The following PLEKHM1 variants were observed in gnomAD, a reference collection of about 807,000 sequenced individuals.
PLEKHM1 encodes pleckstrin homology and RUN domain containing M1.
A neutral mutation model predicts 94.3 loss-of-function variants in PLEKHM1; 28 were observed. The ratio of observed to expected loss-of-function variants is 0.30; its 90% CI spans 0.22 to 0.41. The LOEUF (loss-of-function observed/expected upper bound fraction) is 0.41. Ranked by LOEUF, PLEKHM1 falls within the 10% of genes least tolerant of loss-of-function variation. The pLI, the probability that PLEKHM1 is intolerant of heterozygous loss-of-function variation, is 1.00. For synonymous variants in PLEKHM1, 424 were observed against 581.2 expected (o/e 0.73, Z 3.89); for missense variants, 907 against 1,358.6 (o/e 0.67, Z 5.22).
Position 45,454,090 on chromosome 17 carries a change from C to T in PLEKHM1, c.1762G>A (p.Ala588Thr). ...SLLRCESVGPAHSDGRFELVF... is the reference protein window; with the variant it reads ...SLLRCESVGPTHSDGRFELVF... ...AGCTCAAAGCGCCCATCACTATGGGCTGGCCCCACAGACTCACAGCGAAGC... is the reference window on the plus strand; with the variant it reads ...AGCTCAAAGCGCCCATCACTATGGGTTGGCCCCACAGACTCACAGCGAAGC... The change falls in exon 7 of 12, where the codon GCC (alanine) becomes ACC (threonine). Residue 588 changes from alanine to threonine, a missense_variant. Physicochemically the swap from Ala to Thr is moderately conservative, Grantham distance 58 (BLOSUM62 0). This residue lies in a region of PLEKHM1 where 477 missense variants were observed against 601.5 expected (regional missense o/e 0.79). Transcript: ENST00000430334. 6.2e-7 allele frequency: 1 copy of T among 1,614,234 alleles called. No individual in the cohort carries two copies. The highest frequency in any genetic ancestry group is 8.5e-7 in the Non-Finnish European group (1 of 1,180,052).
At chr17:45,486,354 G>A (rs1029524785) in intron 1 of PLEKHM1, among the ~76,000 whole-genome samples, 5 of 150,234 alleles carry the variant, frequency 3.3e-5, no homozygotes, top group African/African-American at 1.2e-4. Flanking sequence ...AGGCCGAGGC[G>A]GGTGGATCAC....
intron 9 of PLEKHM1, among the ~76,000 whole-genome samples, chr17:45,442,712 A>C (rs564996290): frequency 6.6e-6 from 1 of 152,242 alleles, no homozygotes; most frequent in East Asian, 1.9e-4. Context: ...GTCTTTTCAG[A>C]GTGGTCTTTT....
At position 45,453,322 on chromosome 17, in the gene PLEKHM1, C is replaced by G; in HGVS notation, c.2497+33G>C. The G allele has an allele frequency of 3.7e-6, 6 of 1,601,138 alleles. No homozygotes were observed. Among genetic ancestry groups the G allele is most frequent in the Non-Finnish European group, 5.1e-6 (6 of 1,173,770 alleles). On this transcript the variant is annotated intron_variant, in intron 7 of 11. Transcript: ENST00000430334. This position sits in a 1 kb window ranked among gnomAD's most constrained non-coding sequence, Gnocchi z 4.1. The stretch of plus-strand genomic sequence containing the variant: ...CCAGCAGGAGGTGGAGTGAGGCTGG[C>G]AGGCTGGGGGTGGCAGCAGAGCAAA...
chr17:45,474,931 A>G (rs1426824008), intron 4 of PLEKHM1, among the ~76,000 whole-genome samples, 169 bp downstream of exon 4: 1 of 152,194 alleles, frequency 6.6e-6, no homozygotes, highest in Non-Finnish European at 1.5e-5. Context: ...TGCCTGCTAC[A>G]GTTCCCAGCT....
At chr17:45,443,937 G>A (rs2050524816) in intron 9 of PLEKHM1, among the ~76,000 whole-genome samples, 2 of 152,126 alleles carry the variant, frequency 1.3e-5, no homozygotes, top group South Asian at 2.1e-4. Context: ...GGTGGTCCCT[G>A]GAAGGCTTTC....
intron 3 of PLEKHM1, chr17:45,477,616 T>C (rs2051794926): frequency 6.2e-6 from 3 of 482,326 alleles, no homozygotes; most frequent in Admixed American, 6.6e-5. Context: ...AGGCTGTTCC[T>C]GCTAAAGGTG....
intron 5 of PLEKHM1, among the ~76,000 whole-genome samples, chr17:45,462,575 GC>G (rs1247870100): frequency 6.6e-6 from 1 of 152,000 alleles, no homozygotes; most frequent in Non-Finnish European, 1.5e-5. Context: ...CTGGGTTAGG[GC>G]CCCTACTGGG....
chr17:45,462,071 C>G (rs1971631), intron 5 of PLEKHM1, among the ~76,000 whole-genome samples: 18,287 of 151,492 alleles, frequency 0.12, 1,501 homozygotes, highest in Middle Eastern at 0.2. Flanking sequence ...TGAATCAAGA[C>G]TGCACTCCCT....
chr17:45,471,271 T>C (rs1444929118), intron 4 of PLEKHM1, among the ~76,000 whole-genome samples: 33 of 150,030 alleles, frequency 2.2e-4, no homozygotes, highest in Middle Eastern at 3.4e-3. Context: ...CTGGGTTGAT[T>C]GTAATAAAAA....
At position 45,472,341 on chromosome 17, in the gene PLEKHM1, T is replaced by A. The variant is rs533328546; in HGVS notation, c.923+2759A>T. ...CCACTGTCCGGCATTTGTCTATACA[T>A]CCTGACCCTTGACCCTCCAGTTTCC... On this transcript the variant is annotated intron_variant, in intron 4 of 11. Transcript: ENST00000430334. Among the ~76,000 whole-genome samples, 7 of 152,326 alleles carry A rather than the reference T, an allele frequency of 4.6e-5. No individual in the cohort carries two copies. The South Asian group carries it at 1.5e-3, about 32-fold the overall frequency.
At chr17:45,442,766 T>C (rs542062454) in intron 9 of PLEKHM1, among the ~76,000 whole-genome samples, 3 of 151,968 alleles carry the variant, frequency 2.0e-5, no homozygotes, top group Non-Finnish European at 4.4e-5. Flanking sequence ...TCAAAACCCT[T>C]CAATGGTTCC....
Position 45,444,224 on chromosome 17 carries a change from C to G in PLEKHM1, c.2837+1246G>C, listed in dbSNP as rs1188880276. On this transcript the variant is annotated intron_variant, in intron 9 of 11. Coordinates refer to ENST00000430334, the MANE Select transcript of PLEKHM1 (RefSeq NM_014798.3). The surrounding 1 kb of genome is among the most constrained non-coding windows in gnomAD (Gnocchi z 5.0). The stretch of plus-strand genomic sequence containing the variant: ...GGGCTTGTGAACTGGTCCCTGCCCC[C>G]AGAAACCCAGCAGAGGTTGATTTGA... Among the ~76,000 whole-genome samples, 2 of 152,300 alleles carry G rather than the reference C, an allele frequency of 1.3e-5. No individual in the cohort carries two copies. The highest frequency in any genetic ancestry group is 3.9e-4 in the East Asian group (2 of 5,184).
In PLEKHM1 at chr17:45,468,332, G is replaced by C; in HGVS notation, c.1185C>G (p.Gly395=). The C allele has an allele frequency of 6.2e-7, 1 of 1,613,924 alleles. No individual in the cohort carries two copies. Among genetic ancestry groups the C allele is most frequent in the Non-Finnish European group, 8.5e-7 (1 of 1,179,958 alleles). Residue 395 remains glycine, a synonymous_variant, in exon 5 of 12, where the codon GGC becomes GGG. Transcript: ENST00000430334. ...CGCTGACAGTACTAGAAGGCTGCTGGCCTGAGGTGCTCTCTACAGGCTGCT... is the reference window on the plus strand; with the variant it reads ...CGCTGACAGTACTAGAAGGCTGCTGCCCTGAGGTGCTCTCTACAGGCTGCT... ...DLQQPVESTS[G]QQPSSTVSET... is the part of the protein sequence containing the mutation.
rs71373561 is a variant in PLEKHM1 at position 45,437,598 on chromosome 17, C to T, written c.*260G>A. The T allele has an allele frequency of 1.7e-3, 1,107 of 655,404 alleles. 10 individuals are homozygous for T. The African/African-American group carries it at 0.017, about 10-fold the overall frequency. The allele number at this position is 655,404 out of a possible 1,614,324, so 40.6% of individuals were successfully genotyped here. A position where few individuals can be genotyped will look rare whatever the true frequency, so the allele number is the denominator to read the frequency against. On this transcript the variant is annotated 3_prime_UTR_variant, in exon 12 of 12. Transcript: ENST00000430334. The surrounding 1 kb of genome is among the most constrained non-coding windows in gnomAD (Gnocchi z 4.0). ...GGTGAGCCAGGGCCTGGTGAGTAAA[C>T]GGCCCTGCCTGCCCCAGACAGGGAG...
intron 2 of PLEKHM1, among the ~76,000 whole-genome samples, chr17:45,481,138 G>A (rs2051939602): frequency 6.6e-6 from 1 of 152,016 alleles, no homozygotes; most frequent in Non-Finnish European, 1.5e-5. Context: ...CTGTGGTTTC[G>A]ATGTGCATTT....
intron 11 of PLEKHM1, among the ~76,000 whole-genome samples, chr17:45,438,845 C>G (rs745541362): frequency 1.7e-4 from 26 of 152,298 alleles, no homozygotes; most frequent in Non-Finnish European, 2.5e-4. Context: ...GCGTGAGCCA[C>G]CACGCCCGGC....
intron 7 of PLEKHM1, chr17:45,452,763 A>G (rs2050809676): frequency 6.0e-6 from 1 of 166,482 alleles, no homozygotes; most frequent in South Asian, 1.4e-4. Context: ...AGCAGCCAAG[A>G]GCCCCGTGTG....
rs756009563 is a variant in PLEKHM1, at chr17:45,482,439, G to C, written c.46C>G (p.Pro16Ala). The C allele has an allele frequency of 1.6e-4, 180 of 1,122,134 alleles. 1 individual carries two copies. Among genetic ancestry groups the C allele is most frequent in the Non-Finnish European group, 2.3e-4 (170 of 751,634 alleles). The allele number at this position is 1,122,134 out of a possible 1,614,324, so 69.5% of individuals were successfully genotyped here. The change falls in exon 2 of 12, where the codon CCG becomes GCG. Residue 16 changes from proline (P) to alanine (A), a missense_variant and splice_region_variant. This residue lies in a region of PLEKHM1 where 176 missense variants were observed against 306.0 expected (regional missense o/e 0.58). Transcript: ENST00000430334. Reference protein sequence around the residue: ...ENGLDPQAAIPVIKKKLVGSV... With the variant: ...ENGLDPQAAIAVIKKKLVGSV... ...TTGATCCTCCCTCACCCACCTACCG[G>C]GATGGCAGCCTGGGGGTCCAGTCCA... is the stretch of plus-strand genomic sequence containing the variant.
Position 45,436,639 on chromosome 17 carries a change from A to G in PLEKHM1, c.*1219T>C, listed in dbSNP as rs1309766339. On this transcript the variant is annotated 3_prime_UTR_variant, in exon 12 of 12. Transcript: ENST00000430334. ...TCCCCGAAGCCTGGAGGGTCTGACCATCACTTTGAAAACAATTCCAGACTC... is the reference window on the plus strand; with the variant it reads ...TCCCCGAAGCCTGGAGGGTCTGACCGTCACTTTGAAAACAATTCCAGACTC... The G allele has an allele frequency of 2.2e-6, 1 of 454,120 alleles. No individual in the cohort carries two copies. Among genetic ancestry groups the G allele is most frequent in the Non-Finnish European group, 4.4e-6 (1 of 226,774 alleles). 28.1% of individuals were successfully genotyped at this position (454,120 alleles called of 1,614,324 possible).
Sources: gnomAD v4.1 joint callset for allele counts (sites outside exome capture counted in the v4.1 genomes callset) on GRCh38, gnomAD v4.1.1 for gene constraint, gnomAD v4.1.1 regional missense constraint, Gnocchi (gnomAD v3.1) non-coding constraint, MANE v1.5 for transcripts, NCBI Gene and HGNC (gene_info 2026-07-23, HGNC 2026-07-21) for gene names.